KCTD5: variants seen among roughly 807,000 people sequenced by gnomAD.
The protein encoded by KCTD5 is potassium channel tetramerization domain containing 5, also known as BTB/POZ domain-containing protein KCTD5.
Under a neutral mutation model 27.9 loss-of-function variants are expected in KCTD5, and 12 were observed. That is an observed-to-expected ratio of 0.43 (90% confidence interval 0.28 to 0.70). KCTD5 has a LOEUF of 0.70. Ranked by LOEUF, KCTD5 falls within the 30% of genes least tolerant of loss-of-function variation. KCTD5 has a pLI of 0.19. For synonymous variants in KCTD5, 147 were observed against 121.4 expected (o/e 1.21, Z -1.39); for missense variants, 226 against 274.8 (o/e 0.82, Z 1.26).
intron 2 of KCTD5, among the ~76,000 whole-genome samples, chr16:2,697,575 C>T (rs966296396): frequency 6.6e-6 from 1 of 152,246 alleles, no homozygotes; most frequent in Non-Finnish European, 1.5e-5. Context: ...ATGGCCTCGG[C>T]GTAGACATAC....
At chr16:2,692,812 G>A in intron 1 of KCTD5, among the ~76,000 whole-genome samples, 1 of 152,248 alleles carries the variant, frequency 6.6e-6, no homozygotes, top group East Asian at 1.9e-4. Context: ...ATCGGAGCAG[G>A]CACCAACAAT....
chr16:2,706,951 AG>A (rs776899477), intron 5 of KCTD5, among the ~76,000 whole-genome samples: 37 of 129,434 alleles, frequency 2.9e-4, no homozygotes, highest in East Asian at 9.3e-4. Context: ...TTAATTGGGG[AG>A]GGGGGACTGG....
At chr16:2,698,209 G>T (rs572637378) in intron 3 of KCTD5, among the ~76,000 whole-genome samples, 12 of 152,216 alleles carry the variant, frequency 7.9e-5, no homozygotes, top group African/African-American at 2.7e-4. Context: ...CATCCTGCCC[G>T]GCCCAGACTC....
chr16:2,687,677 T>G (rs1334097607), intron 1 of KCTD5, among the ~76,000 whole-genome samples: 1 of 152,192 alleles, frequency 6.6e-6, no homozygotes, highest in Non-Finnish European at 1.5e-5. Context: ...GGCCCTGTCG[T>G]TAACCACCAG....
intron 1 of KCTD5, among the ~76,000 whole-genome samples, chr16:2,690,516 T>C (rs2142053256): frequency 6.6e-6 from 1 of 152,326 alleles, no homozygotes; most frequent in South Asian, 2.1e-4. Context: ...CAGTCTTAAT[T>C]ATGGCTGTTT....
intron 1 of KCTD5, among the ~76,000 whole-genome samples, chr16:2,687,269 G>A (rs565174568): frequency 4.6e-5 from 7 of 152,326 alleles, no homozygotes; most frequent in African/African-American, 1.7e-4. Flanking sequence ...TCCTACCTAG[G>A]AAGAATGAAA....
At position 2,682,958 on chromosome 16, in the gene KCTD5, G is replaced by A. The variant is rs147439881; in HGVS notation, c.252+158G>A. 1.9e-4 allele frequency: 163 copies of A among 849,744 alleles called. 1 individual carries two copies. The African/African-American group carries it at 2.8e-3, about 14-fold the overall frequency. 52.6% of individuals were successfully genotyped at this position (849,744 alleles called of 1,614,324 possible). ...CTTGTCGCCAGCTCCTCCCCAGCTT[G>A]CCCCGATCCCCTACCCTGGGAGGGG... On this transcript the variant is annotated intron_variant, in intron 1 of 5. Coordinates refer to ENST00000301738, the MANE Select transcript of KCTD5 (RefSeq NM_018992.4).
In KCTD5 at chr16:2,707,359, T is replaced by C; in HGVS notation, c.*32T>C. 1 of 1,610,386 alleles carries C rather than the reference T, an allele frequency of 6.2e-7. No homozygotes were observed. The highest frequency in any genetic ancestry group is 8.5e-7 in the Non-Finnish European group (1 of 1,176,528). On this transcript the variant is annotated 3_prime_UTR_variant, in exon 6 of 6. Coordinates refer to ENST00000301738, the MANE Select transcript of KCTD5 (RefSeq NM_018992.4). ...CAGTATTGACAGCTGAAGAAATGAT[T>C]TACGTTTTCCCGAGATGTAATGAAC...
chr16:2,701,716 G>T (rs2067612941), intron 4 of KCTD5, among the ~76,000 whole-genome samples: 1 of 152,230 alleles, frequency 6.6e-6, no homozygotes, highest in Non-Finnish European at 1.5e-5. Flanking sequence ...TGCTTATTGT[G>T]ATTTGCGTAT....
intron 5 of KCTD5, among the ~76,000 whole-genome samples, chr16:2,706,762 G>A (rs1189032249): frequency 6.6e-6 from 1 of 151,964 alleles, no homozygotes; most frequent in Non-Finnish European, 1.5e-5. Flanking sequence ...ACTTGGGGTA[G>A]GGCCCTCTGA....
At position 2,708,568 on chromosome 16, in the gene KCTD5, T is replaced by G. The variant is rs115678449; in HGVS notation, c.*1241T>G. The G allele has an allele frequency of 6.6e-6, 1 of 152,326 alleles. No homozygotes were observed. Among genetic ancestry groups the G allele is most frequent in the Non-Finnish European group, 1.5e-5 (1 of 68,078 alleles). 9.4% of individuals were successfully genotyped at this position (152,326 alleles called of 1,614,324 possible). A position where few individuals can be genotyped will look rare whatever the true frequency, so the allele number is the denominator to read the frequency against. On this transcript the variant is annotated 3_prime_UTR_variant, in exon 6 of 6. Coordinates refer to ENST00000301738, the MANE Select transcript of KCTD5 (RefSeq NM_018992.4). ...CCTCCCGCCTGCAGGTCAGAGGCTC[T>G]GACACTGTCTGGTTTCCAATGCTTC...
chr16:2,706,537 T>C (rs1361289611), intron 5 of KCTD5, among the ~76,000 whole-genome samples: 1 of 152,134 alleles, frequency 6.6e-6, no homozygotes, highest in Non-Finnish European at 1.5e-5. Flanking sequence ...CTCAGCAGCA[T>C]TGGCCAGCGC....
At chr16:2,704,103 A>T (rs1276327898) in intron 5 of KCTD5, among the ~76,000 whole-genome samples, 1 of 152,206 alleles carries the variant, frequency 6.6e-6, no homozygotes, top group Non-Finnish European at 1.5e-5. Context: ...CATGACCCCA[A>T]ATCCCTTTGT....
At chr16:2,687,355 C>T (rs757785831) in intron 1 of KCTD5, among the ~76,000 whole-genome samples, 13 of 152,212 alleles carry the variant, frequency 8.5e-5, no homozygotes, top group South Asian at 2.1e-4. Flanking sequence ...TCGGCATTCT[C>T]GCCTCCAGAC....
intron 5 of KCTD5, among the ~76,000 whole-genome samples, chr16:2,705,023 C>T (rs1272437928): frequency 2.6e-5 from 4 of 152,198 alleles, no homozygotes; most frequent in African/African-American, 2.4e-5. Context: ...CCCCTCGTGG[C>T]GTGGCCTCAC....
At chr16:2,693,107 C>G (rs995260083) in intron 1 of KCTD5, among the ~76,000 whole-genome samples, 1 of 152,240 alleles carries the variant, frequency 6.6e-6, no homozygotes, top group African/African-American at 2.4e-5. Context: ...GTGCCACTGG[C>G]TGGGTCCTCA....
Position 2,702,438 on chromosome 16 carries a change from C to A in KCTD5, c.635C>A (p.Thr212Asn). 2.5e-6 allele frequency: 4 copies of A among 1,613,354 alleles called. No individual in the cohort carries two copies. The highest frequency in any genetic ancestry group is 3.4e-6 in the Non-Finnish European group (4 of 1,179,968). ...LCVVSKELHN[T>N]PYGTASEPSE... ...GTGGTGTCCAAGGAGCTGCACAACACCCCGTACGGTACGGCCAGCGAGCCC... is the reference window on the plus strand; with the variant it reads ...GTGGTGTCCAAGGAGCTGCACAACAACCCGTACGGTACGGCCAGCGAGCCC... Residue 212 changes from threonine (T) to asparagine (N), a missense_variant, in exon 5 of 6, where the codon ACC becomes AAC. Physicochemically the swap from Thr to Asn is moderately conservative, Grantham distance 65. Around this residue, in one of 2 missense-constraint regions of KCTD5, gnomAD observed 135 missense variants for 207.0 expected, o/e 0.65. Coordinates refer to ENST00000301738, the MANE Select transcript of KCTD5 (RefSeq NM_018992.4).
intron 5 of KCTD5, 111 bp downstream of exon 5, chr16:2,702,589 CT>C: frequency 2.8e-6 from 4 of 1,411,668 alleles, no homozygotes; most frequent in Non-Finnish European, 2.8e-6. Flanking sequence ...GTGTCCGCCC[CT>C]GGTGGCCTTG....
At position 2,702,972 on chromosome 16, in the gene KCTD5, G is replaced by A. The variant is rs550008175; in HGVS notation, c.675+494G>A. Among the ~76,000 whole-genome samples, 768 of 152,272 alleles carry A rather than the reference G, an allele frequency of 5.0e-3. 6 individuals carry two copies. Among genetic ancestry groups the A allele is most frequent in the Non-Finnish European group, 8.4e-3 (573 of 68,008 alleles). ...CCACTACGTGGGCCTCATCTTTGTCGAGAGGAGGGTGTCCTGCAGGCCCTG... is the reference window on the plus strand; with the variant it reads ...CCACTACGTGGGCCTCATCTTTGTCAAGAGGAGGGTGTCCTGCAGGCCCTG... On this transcript the variant is annotated intron_variant, in intron 5 of 5. Transcript: ENST00000301738.
Sources: gnomAD v4.1 joint callset for allele counts (sites outside exome capture counted in the v4.1 genomes callset) on GRCh38, gnomAD v4.1.1 for gene constraint, gnomAD v4.1.1 regional missense constraint, MANE v1.5 for transcripts, NCBI Gene and HGNC (gene_info 2026-07-23, HGNC 2026-07-21) for gene names.